XPO4: variants seen among roughly 807,000 people sequenced by gnomAD.
XPO4 encodes the protein exportin 4.
A neutral mutation model predicts 143.0 loss-of-function variants in XPO4; 39 were observed. That is an observed-to-expected ratio of 0.27 (90% CI 0.21 to 0.36). XPO4 has a LOEUF of 0.36. XPO4 is among the 10% of genes least tolerant of loss of function. The pLI, the probability that XPO4 is intolerant of heterozygous loss-of-function variation, is 1.00. For missense variants in XPO4, 907 were observed against 1,348.0 expected (o/e 0.67, Z 5.12); for synonymous variants, 439 against 474.0 (o/e 0.93, Z 0.96).
In XPO4 at chr13:20,899,161, C is replaced by T. The variant is rs755849163; in HGVS notation, c.69+3509G>A. Among the ~76,000 whole-genome samples, 79 of 152,040 alleles carry T rather than the reference C, an allele frequency of 5.2e-4. 2 individuals carry two copies. The highest frequency in any genetic ancestry group is 4.9e-3 in the Admixed American group (74 of 15,254). On this transcript the variant is annotated intron_variant, in intron 1 of 22. Transcript: ENST00000255305. ...CACGGTTGATGTCCATGGGTGGAGG[C>T]GGTTCCTGGAACTAACCTCTCATGG...
rs772525627 is a variant in XPO4 at position 20,809,098 on chromosome 13, A to G, written c.1478T>C (p.Ile493Thr). 4 of 1,613,824 alleles carry G rather than the reference A, an allele frequency of 2.5e-6. No individual in the cohort carries two copies. The highest frequency in any genetic ancestry group is 2.5e-6 in the Non-Finnish European group (3 of 1,179,878). The change falls in exon 11 of 23, where the codon ATA becomes ACA. Residue 493 changes from isoleucine to threonine, a missense_variant. By Grantham distance (89) the Ile-to-Thr change is moderately conservative. Transcript: ENST00000255305. ...MLGRIAAEHCIPLLTSLLEER... is the reference protein window; with the variant it reads ...MLGRIAAEHCTPLLTSLLEER... ...CTGTGTGTACCTTGTCAGAAGAGGT[A>G]TACAGTGTTCTGCAGCAATTCTTCC...
At chr13:20,896,724 A>G (rs928959450) in intron 1 of XPO4, among the ~76,000 whole-genome samples, 12 of 152,006 alleles carry the variant, frequency 7.9e-5, no homozygotes, top group African/African-American at 2.9e-4. Context: ...CATTTTTTGT[A>G]TTACTGTATC....
chr13:20,837,899 C>T (rs1345235517), intron 6 of XPO4, among the ~76,000 whole-genome samples: 1 of 152,134 alleles, frequency 6.6e-6, no homozygotes, highest in Non-Finnish European at 1.5e-5. Flanking sequence ...CCTCCCACAA[C>T]ACATGGGAAT....
chr13:20,790,230 C>A (rs375923278), intron 19 of XPO4, among the ~76,000 whole-genome samples: 2 of 152,290 alleles, frequency 1.3e-5, no homozygotes, highest in East Asian at 3.9e-4. Context: ...CAAAACGAGT[C>A]ACTAATGTAT....
chr13:20,827,236 T>A, intron 6 of XPO4, 57 bp from the exon 7 acceptor site: 4 of 1,279,340 alleles, frequency 3.1e-6, no homozygotes, highest in Non-Finnish European at 4.6e-6. Context: ...AAAGTATAAG[T>A]ATATCCTAAA....
intron 18 of XPO4, among the ~76,000 whole-genome samples, 177 bp from the exon 19 acceptor site, chr13:20,790,757 C>T (rs188815911): frequency 8.5e-4 from 129 of 152,276 alleles, no homozygotes; most frequent in Non-Finnish European, 1.3e-3. Flanking sequence ...GGAGACAGCA[C>T]ATCCAGGGGT....
intron 1 of XPO4, among the ~76,000 whole-genome samples, chr13:20,901,928 G>A (rs760177313): frequency 1.3e-5 from 2 of 152,158 alleles, no homozygotes; most frequent in African/African-American, 4.8e-5. Flanking sequence ...TCTCCTCCTT[G>A]CATGTAATAC....
rs1174228982 is a variant in XPO4, at chr13:20,780,446, T to A, written c.*3276A>T. On this transcript the variant is annotated 3_prime_UTR_variant, in exon 23 of 23. Coordinates refer to ENST00000255305, the MANE Select transcript of XPO4 (RefSeq NM_022459.5). ...ATGGGAAACATGGTGATATTACAAC[T>A]ATAAAGACTTGACATTTTTGTTAAA... The A allele has an allele frequency of 6.6e-5, 10 of 152,128 alleles. No homozygotes were observed. The highest frequency in any genetic ancestry group is 2.4e-4 in the African/African-American group (10 of 41,412). 9.4% of individuals were successfully genotyped at this position (152,128 alleles called of 1,614,324 possible). A position where few individuals can be genotyped will look rare whatever the true frequency, so the allele number is the denominator to read the frequency against.
intron 2 of XPO4, among the ~76,000 whole-genome samples, chr13:20,868,076 A>T (rs1170819812): frequency 5.9e-5 from 9 of 152,166 alleles, no homozygotes; most frequent in Admixed American, 5.9e-4. Flanking sequence ...GACAAAAGTA[A>T]AAATCAGTGC....
intron 16 of XPO4, among the ~76,000 whole-genome samples, chr13:20,798,014 C>T (rs1006659998): frequency 1.6e-4 from 24 of 152,044 alleles, no homozygotes; most frequent in Admixed American, 2.0e-4. Context: ...CATGGTGGTG[C>T]GCACCTGTAA....
chr13:20,846,882 A>G (rs192609788), intron 4 of XPO4, among the ~76,000 whole-genome samples: 1 of 152,306 alleles, frequency 6.6e-6, no homozygotes, highest in African/African-American at 2.4e-5. Context: ...AATGTGTTCT[A>G]TTTAAATATA....
intron 14 of XPO4, among the ~76,000 whole-genome samples, 183 bp from the exon 15 acceptor site, chr13:20,800,508 TC>T (rs2059418170): frequency 6.6e-6 from 1 of 152,224 alleles, no homozygotes; most frequent in Non-Finnish European, 1.5e-5. Context: ...ACTCACATTT[TC>T]CAGTGTGATT....
At position 20,899,162 on chromosome 13, in the gene XPO4, G is replaced by A. The variant is rs367586569; in HGVS notation, c.69+3508C>T. On this transcript the variant is annotated intron_variant, in intron 1 of 22. Coordinates refer to ENST00000255305, the MANE Select transcript of XPO4 (RefSeq NM_022459.5). ...ACGGTTGATGTCCATGGGTGGAGGC[G>A]GTTCCTGGAACTAACCTCTCATGGA... 6.8e-4 allele frequency among the ~76,000 whole-genome samples: 103 copies of A among 152,130 alleles called. 1 individual carries two copies. In the East Asian group the frequency reaches 0.013, roughly 19 times the overall value.
At chr13:20,800,038 C>A in intron 15 of XPO4, 118 bp downstream of exon 15, 3 of 1,158,160 alleles carry the variant, frequency 2.6e-6, no homozygotes, top group East Asian at 2.6e-5. Context: ...AATGTAGGCT[C>A]TATCTGGAAT....
intron 2 of XPO4, among the ~76,000 whole-genome samples, chr13:20,863,765 T>C (rs1247868071): frequency 6.6e-6 from 1 of 152,156 alleles, no homozygotes; most frequent in African/African-American, 2.4e-5. Flanking sequence ...CTCCAGATTA[T>C]TTGCCAAGAT....
At chr13:20,807,767 T>C in intron 12 of XPO4, 133 bp from the exon 13 acceptor site, 4 of 750,364 alleles carry the variant, frequency 5.3e-6, no homozygotes, top group Non-Finnish European at 7.6e-6. Flanking sequence ...CCTGTTAATT[T>C]CAAGTTTATG....
intron 9 of XPO4, among the ~76,000 whole-genome samples, chr13:20,815,240 T>C (rs1198010307): frequency 6.6e-6 from 1 of 152,152 alleles, no homozygotes; most frequent in Non-Finnish European, 1.5e-5. Flanking sequence ...ACCTTAATGA[T>C]GGACATCACA....
intron 6 of XPO4, among the ~76,000 whole-genome samples, chr13:20,833,580 A>G (rs2059878539): frequency 1.3e-5 from 2 of 152,144 alleles, no homozygotes; most frequent in Admixed American, 6.6e-5. Flanking sequence ...TTTAGTTATA[A>G]TATTTTTGAT....
intron 6 of XPO4, 127 bp from the exon 7 acceptor site, chr13:20,827,306 T>C (rs1325619755): frequency 1.4e-5 from 9 of 644,708 alleles, no homozygotes; most frequent in African/African-American, 7.3e-5. Flanking sequence ...TCTTCACATA[T>C]GCTACATAAT....
Sources: gnomAD v4.1 joint callset for allele counts (sites outside exome capture counted in the v4.1 genomes callset) on GRCh38, gnomAD v4.1.1 for gene constraint, MANE v1.5 for transcripts, NCBI Gene and HGNC (gene_info 2026-07-23, HGNC 2026-07-21) for gene names.